The following NUMB variants were observed in gnomAD, a reference collection of about 807,000 sequenced individuals.
The protein encoded by NUMB is protein numb homolog.
In NUMB, 29 loss-of-function variants were observed where a neutral mutation model predicts 59.7. The observed-to-expected ratio is 0.49, with a 90% CI of 0.36 to 0.66. The LOEUF (loss-of-function observed/expected upper bound fraction) is 0.66, where lower values mean the gene tolerates loss of function less well. NUMB is among the 30% of genes least tolerant of loss of function. The pLI, the probability that NUMB is intolerant of heterozygous loss-of-function variation, is 0.00. For missense variants in NUMB, 723 were observed against 822.0 expected, an observed-to-expected ratio of 0.88 and a Z score of 1.47; for synonymous variants, 288 against 288.2, an observed-to-expected ratio of 1.00 and a Z score of 0.01.
intron 1 of NUMB, among the ~76,000 whole-genome samples, chr14:73,448,856 GA>G (rs1883728390): frequency 6.6e-6 from 1 of 151,976 alleles, no homozygotes; most frequent in Admixed American, 6.6e-5. Flanking sequence ...ATCTGAGGGG[GA>G]CTCGATCCAG....
chr14:73,327,321 A>G (rs1401108474), intron 4 of NUMB, among the ~76,000 whole-genome samples: 1 of 152,192 alleles, frequency 6.6e-6, no homozygotes, highest in Non-Finnish European at 1.5e-5. Flanking sequence ...CAGTGGTGCA[A>G]TCTCAGCTCA....
At chr14:73,355,885 T>C (rs1893756098) in intron 3 of NUMB, 119 bp from the exon 4 acceptor site, 1 of 687,704 alleles carries the variant, frequency 1.5e-6, no homozygotes, top group Admixed American at 3.0e-5. Context: ...GGGTTTTATT[T>C]AAGCAATATA....
Position 73,387,354 on chromosome 14 carries a change from T to G in NUMB, c.-100-20373A>C, listed in dbSNP as rs151050020. Among the ~76,000 whole-genome samples, 587 of 152,258 alleles carry G rather than the reference T, an allele frequency of 3.9e-3. 3 individuals carry two copies. Among genetic ancestry groups the G allele is most frequent in the African/African-American group, 0.014 (572 of 41,552 alleles). On this transcript the variant is annotated intron_variant, in intron 2 of 12. Coordinates refer to ENST00000555238, the MANE Select transcript of NUMB (RefSeq NM_001005743.2). ...ATGTTTATACACGACGGTTTAATTC[T>G]TTACACAATCCTGTGAAATAGGTCA...
chr14:73,372,028 T>C (rs939994349), intron 2 of NUMB, among the ~76,000 whole-genome samples: 1 of 151,800 alleles, frequency 6.6e-6, no homozygotes, highest in Non-Finnish European at 1.5e-5. Flanking sequence ...GGTCAGGAGC[T>C]GAAGACCAGC....
At chr14:73,378,020 T>C (rs201019063) in intron 2 of NUMB, among the ~76,000 whole-genome samples, 239 of 134,136 alleles carry the variant, frequency 1.8e-3, no homozygotes, top group African/African-American at 4.2e-3. Context: ...CACACACACA[T>C]ACACACACAC....
Position 73,414,464 on chromosome 14 carries a change from G to T in NUMB, c.-232-4396C>A, listed in dbSNP as rs558020009. ...GCTGGAATGCAGTGGTGTGATCATG[G>T]CTCACTGCAACCTCCGCTTCCTGGC... On this transcript the variant is annotated intron_variant, in intron 1 of 12. Coordinates refer to ENST00000555238, the MANE Select transcript of NUMB (RefSeq NM_001005743.2). Among the ~76,000 whole-genome samples, 6 of 152,220 alleles carry T rather than the reference G, an allele frequency of 3.9e-5. No individual in the cohort carries two copies. The South Asian group carries it at 1.0e-3, about 26-fold the overall frequency.
chr14:73,412,628 A>C (rs562970622), intron 1 of NUMB, among the ~76,000 whole-genome samples: 4 of 137,262 alleles, frequency 2.9e-5, no homozygotes, highest in Non-Finnish European at 6.4e-5. Flanking sequence ...ACTCCGTCTC[A>C]AAAGAAAAAA....
At chr14:73,349,637 T>C (rs1001585393) in intron 4 of NUMB, among the ~76,000 whole-genome samples, 1 of 149,982 alleles carries the variant, frequency 6.7e-6, no homozygotes, top group African/African-American at 2.5e-5. Flanking sequence ...CCCAGCACTT[T>C]GGGAGGCCGA....
intron 2 of NUMB, among the ~76,000 whole-genome samples, chr14:73,379,902 G>T (rs1369741396): frequency 6.6e-6 from 1 of 152,148 alleles, no homozygotes; most frequent in African/African-American, 2.4e-5. Flanking sequence ...TTCCTAATAA[G>T]GTAAAAGCTA....
At chr14:73,403,069 A>C (rs1286641470) in intron 2 of NUMB, among the ~76,000 whole-genome samples, 1 of 152,232 alleles carries the variant, frequency 6.6e-6, no homozygotes, top group African/African-American at 2.4e-5. Context: ...GCTGGAGGTG[A>C]CCATATGACC....
chr14:73,287,208 C>T lies in NUMB; in HGVS notation c.557G>A (p.Arg186Gln), dbSNP rs764893009. Reference sequence around the variant, plus strand: ...TGATCCTTCTCTTGTAAAAGTGGTCCGACTAGCATCAAAAGTAGCAGTCAC... The same window carrying T: ...TGATCCTTCTCTTGTAAAAGTGGTCTGACTAGCATCAAAAGTAGCAGTCAC... ...CGVTATFDAS[R>Q]TTFTREGSFR... The change falls in exon 9 of 13, where the codon CGG becomes CAG. Residue 186 changes from arginine to glutamine, a missense_variant. This residue lies in a region of NUMB where 317 missense variants were observed against 436.6 expected (regional missense o/e 0.73). Coordinates refer to ENST00000555238, the MANE Select transcript of NUMB (RefSeq NM_001005743.2). 12 of 1,613,520 alleles carry T rather than the reference C, an allele frequency of 7.4e-6. No homozygotes were observed. The highest frequency in any genetic ancestry group is 6.7e-5 in the African/African-American group (5 of 74,718).
chr14:73,283,517 CCACA>C (rs1277151370), intron 10 of NUMB, among the ~76,000 whole-genome samples: 2 of 152,186 alleles, frequency 1.3e-5, no homozygotes, highest in East Asian at 1.9e-4. Context: ...TGTACAGAGG[CCACA>C]CAAAGGCCTG....
At chr14:73,398,648 A>G (rs1186399506) in intron 2 of NUMB, among the ~76,000 whole-genome samples, 1 of 152,088 alleles carries the variant, frequency 6.6e-6, no homozygotes, top group Non-Finnish European at 1.5e-5. Context: ...AAAGATGCCC[A>G]ACCTCACAAT....
At chr14:73,457,847 C>G (rs1046957084) in intron 1 of NUMB, 1 of 152,630 alleles carries the variant, frequency 6.6e-6, no homozygotes, top group Non-Finnish European at 1.5e-5. Context: ...CTCCCTTGGA[C>G]AGCCGCTTTT....
chr14:73,345,623 A>G (rs1594930378), intron 4 of NUMB, among the ~76,000 whole-genome samples: 1 of 152,238 alleles, frequency 6.6e-6, no homozygotes, highest in East Asian at 1.9e-4. Context: ...AAAAATAAGA[A>G]CATTTGGCCG....
intron 2 of NUMB, among the ~76,000 whole-genome samples, chr14:73,387,101 C>A (rs1388676777): frequency 6.6e-6 from 1 of 151,484 alleles, no homozygotes; most frequent in Admixed American, 6.6e-5. Flanking sequence ...CCGGGATGGT[C>A]TCGATCTCCT....
intron 1 of NUMB, among the ~76,000 whole-genome samples, chr14:73,434,768 GTCTT>G (rs1281012813): frequency 6.6e-6 from 1 of 151,988 alleles, no homozygotes; most frequent in Non-Finnish European, 1.5e-5. Flanking sequence ...ACAGCCTGAA[GTCTT>G]TCTTTTGAAT....
chr14:73,334,914 A>G (rs1273694787), intron 4 of NUMB, among the ~76,000 whole-genome samples: 1 of 144,474 alleles, frequency 6.9e-6, no homozygotes, highest in Non-Finnish European at 1.5e-5. Flanking sequence ...GCGCCACTGC[A>G]CTCCAGCCTG....
At position 73,384,623 on chromosome 14, in the gene NUMB, C is replaced by CA. The variant is rs368105711; in HGVS notation, c.-100-17643dup. ...GGCTCTCTCGCCTACGCTGGAGTGC[C>CA]ATAGGGTGATCTTGGCTAACTGCAA... On this transcript the variant is annotated intron_variant, in intron 2 of 12. Coordinates refer to ENST00000555238, the MANE Select transcript of NUMB (RefSeq NM_001005743.2). Among the ~76,000 whole-genome samples, 95 of 152,140 alleles carry CA rather than the reference C, an allele frequency of 6.2e-4. 1 individual carries two copies. The highest frequency in any genetic ancestry group is 9.1e-4 in the African/African-American group (38 of 41,534).
Sources: gnomAD v4.1 joint callset for allele counts (sites outside exome capture counted in the v4.1 genomes callset) on GRCh38, gnomAD v4.1.1 for gene constraint, gnomAD v4.1.1 regional missense constraint, MANE v1.5 for transcripts, NCBI Gene and HGNC (gene_info 2026-07-23, HGNC 2026-07-21) for gene names.